Variants in ALDH2 observed in about 807,000 individuals in gnomAD.
ALDH2 encodes aldehyde dehydrogenase, mitochondrial.
ALDH2 carries 44 observed loss-of-function variants against 59.6 expected under a neutral mutation model. That is an observed-to-expected ratio of 0.74 (90% confidence interval 0.58 to 0.95). ALDH2 has a LOEUF of 0.95. Among genes scored for constraint, ALDH2 ranks in the 40% least tolerant of loss-of-function variants. ALDH2 has a pLI of 0.00. For synonymous variants in ALDH2, 291 were observed against 284.0 expected (o/e 1.02, Z -0.25); for missense variants, 570 against 696.3 (o/e 0.82, Z 2.04).
rs564005438 is a variant in ALDH2, at chr12:111,802,651, C to T, written c.1407-1208C>T. Reference sequence around the variant, plus strand: ...ATCCCAGCACTTTGGGAGGCCAAGGCGGGCGGATCACGAGGTCAGAAGATC... The same window carrying T: ...ATCCCAGCACTTTGGGAGGCCAAGGTGGGCGGATCACGAGGTCAGAAGATC... On this transcript the variant is annotated intron_variant, in intron 11 of 12. Transcript: ENST00000261733. Among the ~76,000 whole-genome samples the T allele has an allele frequency of 7.6e-4, 115 of 151,528 alleles. 1 individual carries two copies. In the South Asian group the frequency reaches 9.6e-3, roughly 13 times the overall value.
At chr12:111,784,969 T>C (rs2068299113) in intron 3 of ALDH2, among the ~76,000 whole-genome samples, 1 of 152,224 alleles carries the variant, frequency 6.6e-6, no homozygotes, top group Non-Finnish European at 1.5e-5. Context: ...AGCTCCACGC[T>C]GGTCTCTATC....
At position 111,813,774 on chromosome 12, in the gene ALDH2, G is replaced by A. The variant is rs1208596560; in HGVS notation, c.*4199G>A. On this transcript the variant is annotated 3_prime_UTR_variant, in exon 13 of 13. Coordinates refer to ENST00000261733, the MANE Select transcript of ALDH2 (RefSeq NM_000690.4). ...TATCCAGAACAGGCAAATCTATATA[G>A]AGAGAAGGTCGATTGCTGGGGGCCC... The A allele has an allele frequency of 6.6e-6, 1 of 152,232 alleles. No individual in the cohort carries two copies. Among genetic ancestry groups the A allele is most frequent in the African/African-American group, 2.4e-5 (1 of 41,466 alleles). 9.4% of individuals were successfully genotyped at this position (152,232 alleles called of 1,614,324 possible). A position where few individuals can be genotyped will look rare whatever the true frequency, so the allele number is the denominator to read the frequency against.
At chr12:111,773,436 C>A (rs1340612388) in intron 1 of ALDH2, among the ~76,000 whole-genome samples, 1 of 152,156 alleles carries the variant, frequency 6.6e-6, no homozygotes, top group East Asian at 1.9e-4. Flanking sequence ...ATTCCCTGCT[C>A]CAGTAATCAT....
intron 1 of ALDH2, among the ~76,000 whole-genome samples, chr12:111,777,728 C>T (rs112980762): frequency 1.2e-4 from 19 of 152,274 alleles, no homozygotes; most frequent in African/African-American, 2.9e-4. Flanking sequence ...TGCCCAGGCA[C>T]GGCATAGTCC....
intron 4 of ALDH2, among the ~76,000 whole-genome samples, chr12:111,786,917 C>T (rs1049474891): frequency 2.0e-5 from 3 of 152,010 alleles, no homozygotes; most frequent in Non-Finnish European, 2.9e-5. Flanking sequence ...GCCAGAAATT[C>T]ACTGAGGCCA....
Position 111,767,040 on chromosome 12 carries a change from G to T in ALDH2, c.58G>T (p.Ala20Ser). The change falls in exon 1 of 13, where the codon GCC becomes TCC. Residue 20 changes from alanine to serine, a missense_variant. Ala to Ser is a moderately conservative substitution (Grantham distance 99). Coordinates refer to ENST00000261733, the MANE Select transcript of ALDH2 (RefSeq NM_000690.4). ...PRLGRRLLSA[A>S]ATQAVPAPNQ... is the part of the protein sequence containing the mutation. ...CCTGGGCCGCCGCCTCTTGTCAGCC[G>T]CCGCCACCCAGGCCGTGCCTGCCCC... 6.5e-7 allele frequency: 1 copy of T among 1,526,924 alleles called. No individual in the cohort carries two copies. Among genetic ancestry groups the T allele is most frequent in the Non-Finnish European group, 8.7e-7 (1 of 1,143,038 alleles). The allele number at this position is 1,526,924 out of a possible 1,614,324, so 94.6% of individuals were successfully genotyped here. A position where few individuals can be genotyped will look rare whatever the true frequency, so the allele number is the denominator to read the frequency against.
intron 1 of ALDH2, among the ~76,000 whole-genome samples, chr12:111,768,491 T>C (rs1287860640): frequency 6.6e-6 from 1 of 152,268 alleles, no homozygotes; most frequent in African/African-American, 2.4e-5. Flanking sequence ...GCAGCAGCTA[T>C]GGCTCCCTTG....
At chr12:111,778,747 T>C (rs1267745676) in intron 1 of ALDH2, among the ~76,000 whole-genome samples, 4 of 149,322 alleles carry the variant, frequency 2.7e-5, no homozygotes, top group African/African-American at 9.9e-5. Flanking sequence ...GGCAGGAGAA[T>C]GGTGTGAACC....
rs889843446 is a variant in ALDH2, at chr12:111,799,964, G to A, written c.1307G>A (p.Arg436Lys). Residue 436 changes from arginine to lysine, a missense_variant, in exon 11 of 13, where the codon AGA (arginine) becomes AAA (lysine). Coordinates refer to ENST00000261733, the MANE Select transcript of ALDH2 (RefSeq NM_000690.4). ...KFKTIEEVVG[R>K]ANNSTYGLAA... ...AAGACCATAGAGGAGGTTGTTGGGA[G>A]AGCCAACAATTCCACGTACGGGCTG... 4 of 1,614,060 alleles carry A rather than the reference G, an allele frequency of 2.5e-6. No homozygotes were observed. The highest frequency in any genetic ancestry group is 1.6e-4 in the Middle Eastern group (1 of 6,062).
At chr12:111,805,771 TC>T (rs2068488854) in intron 12 of ALDH2, among the ~76,000 whole-genome samples, 1 of 152,136 alleles carries the variant, frequency 6.6e-6, no homozygotes, top group Non-Finnish European at 1.5e-5. Context: ...ACGCGTATAA[TC>T]CCAGCACTTC....
At chr12:111,778,573 C>T (rs1345562548) in intron 1 of ALDH2, among the ~76,000 whole-genome samples, 6 of 151,054 alleles carry the variant, frequency 4.0e-5, no homozygotes, top group Non-Finnish European at 7.4e-5. Context: ...AACCCTCACA[C>T]CTGTAATCCC....
At chr12:111,784,294 A>G (rs2068294517) in intron 3 of ALDH2, among the ~76,000 whole-genome samples, 1 of 152,196 alleles carries the variant, frequency 6.6e-6, no homozygotes, top group Non-Finnish European at 1.5e-5. Context: ...AGCCTGGGCA[A>G]CAGAGTCAGA....
chr12:111,783,881 C>G (rs1215461874), intron 3 of ALDH2, among the ~76,000 whole-genome samples: 1 of 152,106 alleles, frequency 6.6e-6, no homozygotes. Context: ...GGGAGGCCTT[C>G]CCAGGAGAGA....
intron 10 of ALDH2, among the ~76,000 whole-genome samples, chr12:111,798,458 TC>T (rs1242482097): frequency 6.6e-6 from 1 of 152,090 alleles, no homozygotes. Flanking sequence ...TCGTCTGCAT[TC>T]CTCAGCATGG....
chr12:111,790,653 C>T lies in ALDH2; in HGVS notation c.681+91C>T, dbSNP rs555776107. On this transcript the variant is annotated intron_variant, in intron 6 of 12. Transcript: ENST00000261733. ...GAGAAGGGTCTCAGGGGTCCCTAAA[C>T]AGGGAGGTGTGTTTGTGGAGCCCCC... is the stretch of plus-strand genomic sequence containing the variant. 3 of 1,543,198 alleles carry T rather than the reference C, an allele frequency of 1.9e-6. No individual in the cohort carries two copies. In the African/African-American group the frequency reaches 4.1e-5, roughly 21 times the overall value.
chr12:111,791,060 A>G (rs147195398), intron 6 of ALDH2, among the ~76,000 whole-genome samples: 1 of 152,280 alleles, frequency 6.6e-6, no homozygotes, highest in East Asian at 1.9e-4. Flanking sequence ...AAAAACAAAC[A>G]AAAACCCACT....
At position 111,815,720 on chromosome 12, in the gene ALDH2, C is replaced by G. The variant is rs566548698; in HGVS notation, c.*6145C>G. The G allele has an allele frequency of 2.6e-5, 4 of 151,926 alleles. No individual in the cohort carries two copies. Among genetic ancestry groups the G allele is most frequent in the Admixed American group, 2.6e-4 (4 of 15,222 alleles). 9.4% of individuals were successfully genotyped at this position (151,926 alleles called of 1,614,324 possible). A position where few individuals can be genotyped will look rare whatever the true frequency, so the allele number is the denominator to read the frequency against. On this transcript the variant is annotated 3_prime_UTR_variant, in exon 13 of 13. Coordinates refer to ENST00000261733, the MANE Select transcript of ALDH2 (RefSeq NM_000690.4). ...GAACTTCTGGGCTCAAGTGATCCTC[C>G]CACCTCAGCCTCCTGAGTAGCTGGG...
chr12:111,791,420 G>C lies in ALDH2; in HGVS notation c.795+1G>C, dbSNP rs757980778. On this transcript the variant is annotated splice_donor_variant, in intron 7 of 12. Transcript: ENST00000261733. LOFTEE classifies it high-confidence loss of function. ...AGTGGCATTCACAGGCTCCACTGAG[G>C]TAAGGTGACCCTGGCCTCAAGCTTG... The C allele has an allele frequency of 3.1e-6, 5 of 1,609,790 alleles. No individual in the cohort carries two copies. The highest frequency in any genetic ancestry group is 4.2e-6 in the Non-Finnish European group (5 of 1,177,088).
chr12:111,796,581 C>T (rs766766796), intron 9 of ALDH2, among the ~76,000 whole-genome samples: 21 of 152,106 alleles, frequency 1.4e-4, no homozygotes, highest in Non-Finnish European at 2.8e-4. Context: ...CACTCATGCA[C>T]ACACAGTTAT....
Sources: gnomAD v4.1 joint callset for allele counts (sites outside exome capture counted in the v4.1 genomes callset) on GRCh38, gnomAD v4.1.1 for gene constraint, MANE v1.5 for transcripts, NCBI Gene and HGNC (gene_info 2026-07-23, HGNC 2026-07-21) for gene names.